Variants in SMAP2 observed in about 807,000 individuals in gnomAD.
SMAP2 encodes the protein small ArfGAP2.
Under a neutral mutation model 56.4 loss-of-function variants are expected in SMAP2, and 25 were observed. The ratio of observed to expected loss-of-function variants is 0.44; its 90% CI spans 0.32 to 0.62. SMAP2 has a LOEUF of 0.62. Among genes scored for constraint, SMAP2 ranks in the 20% least tolerant of loss-of-function variants. The pLI, the probability that SMAP2 is intolerant of heterozygous loss-of-function variation, is 0.04. For missense variants in SMAP2, 388 were observed against 545.6 expected (o/e 0.71, Z 2.88); for synonymous variants, 157 against 181.7 (o/e 0.86, Z 1.09).
rs904217384 is a variant in SMAP2, at chr1:40,386,621, A to G, written c.103+12398A>G. On this transcript the variant is annotated intron_variant, in intron 1 of 9. Transcript: ENST00000372718. This position sits in a 1 kb window ranked among gnomAD's most constrained non-coding sequence, Gnocchi z 4.1. ...GTTTCATTAGACTTCTCATACATTT[A>G]AGGAAAAAAAGATTTGTTGCCATAG... Among the ~76,000 whole-genome samples the G allele has an allele frequency of 6.6e-6, 1 of 151,966 alleles. No homozygotes were observed. The highest frequency in any genetic ancestry group is 2.4e-5 in the African/African-American group (1 of 41,252).
chr1:40,409,885 T>C, intron 4 of SMAP2, 50 bp downstream of exon 4: 2 of 1,218,802 alleles, frequency 1.6e-6, no homozygotes, highest in Non-Finnish European at 2.4e-6. Context: ...ATGTGCTTAT[T>C]AAATCAGGCC....
At position 40,417,934 on chromosome 1, in the gene SMAP2, A is replaced by AATCT. The variant is rs1475462676; in HGVS notation, c.1164+838_1164+839insATCT. Among the ~76,000 whole-genome samples, 14 of 152,330 alleles carry AATCT rather than the reference A, an allele frequency of 9.2e-5. 1 individual carries two copies. Among genetic ancestry groups the AATCT allele is most frequent in the East Asian group, 5.8e-4 (3 of 5,194 alleles). ...ACCTATTATTGCTGATTGAGAAAAA[A>AATCT]TAAGACCTTACAAAAATGAACCAAA... is the stretch of plus-strand genomic sequence containing the variant. On this transcript the variant is annotated intron_variant, in intron 9 of 9. Transcript: ENST00000372718.
intron 1 of SMAP2, among the ~76,000 whole-genome samples, chr1:40,376,171 G>A (rs1644539900): frequency 6.6e-6 from 1 of 151,938 alleles, no homozygotes; most frequent in Non-Finnish European, 1.5e-5. Flanking sequence ...GGCTGGTCTT[G>A]AACTCCTGAC....
In SMAP2 at chr1:40,374,604, T is replaced by TGG; in HGVS notation, c.103+382_103+383insGG. ...GCGTGCGTGCGTGCGTGCGTGTGTG[T>TGG]GTGTGTGTGTGTGTGTGTGTGAGAG... On this transcript the variant is annotated intron_variant, in intron 1 of 9. Coordinates refer to ENST00000372718, the MANE Select transcript of SMAP2 (RefSeq NM_022733.3). The surrounding 1 kb of genome is among the most constrained non-coding windows in gnomAD (Gnocchi z 5.9). 1 of 1,228,950 alleles carries TGG rather than the reference T, an allele frequency of 8.1e-7. No homozygotes were observed. The highest frequency in any genetic ancestry group is 1.1e-6 in the Non-Finnish European group (1 of 885,980). 76.1% of individuals were successfully genotyped at this position (1,228,950 alleles called of 1,614,324 possible). A position where few individuals can be genotyped will look rare whatever the true frequency, so the allele number is the denominator to read the frequency against.
intron 1 of SMAP2, chr1:40,375,826 ACCCC>A: frequency 2.1e-5 from 17 of 815,760 alleles, no homozygotes; most frequent in South Asian, 5.7e-5. Context: ...GGTGACTAGA[ACCCC>A]CCCCCCCATT....
At chr1:40,347,251 GT>G (rs1162670774) in intron 1 of SMAP2, among the ~76,000 whole-genome samples, 33 of 64,338 alleles carry the variant, frequency 5.1e-4, no homozygotes, top group Non-Finnish European at 8.8e-4. Context: ...TTTTGTTTTT[GT>G]TTTTTTTTTT....
intron 1 of SMAP2, among the ~76,000 whole-genome samples, chr1:40,383,965 C>G (rs1485629713): frequency 6.6e-6 from 1 of 152,074 alleles, no homozygotes; most frequent in African/African-American, 2.4e-5. Context: ...GATGCGATCT[C>G]AGCTCACTGC....
chr1:40,354,767 ATTTTTT>A (rs774191085), intron 1 of SMAP2, among the ~76,000 whole-genome samples: 126 of 67,316 alleles, frequency 1.9e-3, no homozygotes, highest in Non-Finnish European at 2.6e-3. Flanking sequence ...AAAACATTGA[ATTTTTT>A]TTTTTTTTTT....
intron 1 of SMAP2, 28 bp from the exon 2 acceptor site, chr1:40,406,708 T>C (rs1421813512): frequency 3.8e-6 from 6 of 1,584,552 alleles, no homozygotes; most frequent in Non-Finnish European, 5.2e-6. Flanking sequence ...TAATTTGTAC[T>C]TTATTGCCCT....
chr1:40,377,368 G>A (rs1644550860), intron 1 of SMAP2, among the ~76,000 whole-genome samples: 1 of 152,168 alleles, frequency 6.6e-6, no homozygotes, highest in African/African-American at 2.4e-5. Flanking sequence ...TACAAGTTTT[G>A]TTGATCCTGG....
chr1:40,375,737 C>A, intron 1 of SMAP2: 1 of 968,406 alleles, frequency 1.0e-6, no homozygotes, highest in Non-Finnish European at 1.2e-6. Flanking sequence ...CTTATGTCCT[C>A]ATTTGACAGA....
chr1:40,417,423 C>T (rs2235701), intron 9 of SMAP2, among the ~76,000 whole-genome samples: 14,629 of 152,080 alleles, frequency 0.096, 745 homozygotes, highest in East Asian at 0.16. Context: ...ATTTGGTAGA[C>T]AGAATACTGC....
chr1:40,374,812 G>C lies in SMAP2; in HGVS notation c.103+589G>C. 1 of 1,549,356 alleles carries C rather than the reference G, an allele frequency of 6.5e-7. No homozygotes were observed. Among genetic ancestry groups the C allele is most frequent in the Non-Finnish European group, 8.7e-7 (1 of 1,146,290 alleles). The stretch of plus-strand genomic sequence containing the variant: ...TAGGTGACTTTATTCTTCTGGATGT[G>C]TGCAGTGGGAAACTGCCTTATGCAG... On this transcript the variant is annotated intron_variant, in intron 1 of 9. Coordinates refer to ENST00000372718, the MANE Select transcript of SMAP2 (RefSeq NM_022733.3). The surrounding 1 kb of genome is among the most constrained non-coding windows in gnomAD (Gnocchi z 5.9).
intron 9 of SMAP2, among the ~76,000 whole-genome samples, chr1:40,421,470 C>T (rs1569936405): frequency 6.6e-6 from 1 of 152,048 alleles, no homozygotes; most frequent in East Asian, 1.9e-4. Context: ...CCCCGCCCCG[C>T]CACCGCCTTT....
rs367584774 is a variant in SMAP2, at chr1:40,355,558, C to G, written c.-82-6742C>G. ...GTGTTACAAACAATTCAATTATACT[C>G]TTTAAGCTATTTTAAAATATACAAT... On this transcript the variant is annotated intron_variant, in intron 1 of 6. Transcript: ENST00000435168. Among the ~76,000 whole-genome samples, 14 of 152,276 alleles carry G rather than the reference C, an allele frequency of 9.2e-5. 1 individual carries two copies. The highest frequency in any genetic ancestry group is 5.8e-4 in the East Asian group (3 of 5,186).
At chr1:40,390,012 C>G (rs879933448) in intron 1 of SMAP2, among the ~76,000 whole-genome samples, 1 of 151,522 alleles carries the variant, frequency 6.6e-6, no homozygotes, top group Non-Finnish European at 1.5e-5. Flanking sequence ...CTTTGCCCCA[C>G]CCCCTTATGC....
chr1:40,411,085 G>A (rs1211466650), intron 4 of SMAP2, among the ~76,000 whole-genome samples: 1 of 152,212 alleles, frequency 6.6e-6, no homozygotes, highest in African/African-American at 2.4e-5. Context: ...TTATGAAGCT[G>A]TGTGAAAGGG....
At chr1:40,402,716 G>T (rs773636167) in intron 1 of SMAP2, among the ~76,000 whole-genome samples, 3 of 152,028 alleles carry the variant, frequency 2.0e-5, no homozygotes, top group Non-Finnish European at 4.4e-5. Flanking sequence ...TCCTCCATCC[G>T]CCTACCCTTC....
chr1:40,387,862 C>T (rs899411731), intron 1 of SMAP2, among the ~76,000 whole-genome samples: 1 of 137,368 alleles, frequency 7.3e-6, no homozygotes. Context: ...AGGGAGCCAG[C>T]TCCGGGAACC....
Sources: gnomAD v4.1 joint callset for allele counts (sites outside exome capture counted in the v4.1 genomes callset) on GRCh38, gnomAD v4.1.1 for gene constraint, Gnocchi (gnomAD v3.1) non-coding constraint, MANE v1.5 for transcripts, NCBI Gene and HGNC (gene_info 2026-07-23, HGNC 2026-07-21) for gene names.